Variants in DBF4 observed in about 807,000 individuals in gnomAD.
DBF4 encodes protein DBF4 homolog A.
DBF4 carries 25 observed loss-of-function variants against 76.6 expected under a neutral mutation model. The observed-to-expected ratio is 0.33, with a 90% CI of 0.24 to 0.46. DBF4 has a LOEUF of 0.46. Among genes scored for constraint, DBF4 ranks in the 20% least tolerant of loss-of-function variants. The probability of loss-of-function intolerance (pLI) is 1.00; values close to 1 mark genes in which losing one functional copy is unlikely to be tolerated. For synonymous variants in DBF4, 213 were observed against 258.0 expected (o/e 0.83, Z 1.67); for missense variants, 638 against 760.8 (o/e 0.84, Z 1.90).
At chr7:87,886,173 A>C (rs906765957) in intron 3 of DBF4, among the ~76,000 whole-genome samples, 1 of 152,150 alleles carries the variant, frequency 6.6e-6, no homozygotes, top group Non-Finnish European at 1.5e-5. Flanking sequence ...GAGACAATAC[A>C]CCAGCGATTC....
intron 3 of DBF4, among the ~76,000 whole-genome samples, chr7:87,886,535 CAAAAAA>C (rs11411808): frequency 5.5e-5 from 3 of 54,236 alleles, no homozygotes; most frequent in African/African-American, 1.3e-4. Flanking sequence ...ACTTTGTCTC[CAAAAAA>C]AAAAAAAAAA....
chr7:87,898,988 T>C (rs1161983159), intron 8 of DBF4, among the ~76,000 whole-genome samples: 1 of 152,064 alleles, frequency 6.6e-6, no homozygotes, highest in Non-Finnish European at 1.5e-5. Flanking sequence ...TGAAGATAAT[T>C]TAATGGAGAA....
At position 87,878,041 on chromosome 7, in the gene DBF4, C is replaced by T; in HGVS notation, c.47-12C>T. 6.4e-7 allele frequency: 1 copy of T among 1,566,392 alleles called. No individual in the cohort carries two copies. Among genetic ancestry groups the T allele is most frequent in the Non-Finnish European group, 8.6e-7 (1 of 1,158,064 alleles). ...TCTGTGTAAAACATCTGATTCTAAA[C>T]ATCTTTAATAGGTGGAATCCAAGTC... On this transcript the variant is annotated splice_polypyrimidine_tract_variant and intron_variant, in intron 1 of 11. Transcript: ENST00000265728.
At chr7:87,900,133 T>G in intron 8 of DBF4, 88 bp from the exon 9 acceptor site, 1 of 1,119,578 alleles carries the variant, frequency 8.9e-7, no homozygotes, top group Non-Finnish European at 1.3e-6. Flanking sequence ...AGATTCCAGC[T>G]TAATTATATG....
chr7:87,900,758 C>T lies in DBF4; in HGVS notation c.810-6C>T, dbSNP rs761029500. The T allele has an allele frequency of 1.2e-6, 2 of 1,606,812 alleles. No individual in the cohort carries two copies. Among genetic ancestry groups the T allele is most frequent in the Non-Finnish European group, 1.7e-6 (2 of 1,175,722 alleles). On this transcript the variant is annotated splice_region_variant and splice_polypyrimidine_tract_variant and intron_variant, in intron 9 of 11. Coordinates refer to ENST00000265728, the MANE Select transcript of DBF4 (RefSeq NM_006716.4). ...TTAATTCTTTACCATGTATGTCTGTCATCAGAATCCAAACAGATGGCGATA... is the reference window on the plus strand; with the variant it reads ...TTAATTCTTTACCATGTATGTCTGTTATCAGAATCCAAACAGATGGCGATA...
rs544393238 is a variant in DBF4 at position 87,892,297 on chromosome 7, A to G, written c.598-4177A>G. Reference sequence around the variant, plus strand: ...AACTCCTGATGCTTTTACATTCACCATGGTTTTGCCTTTTCCACAGTGTCA... The same window carrying G: ...AACTCCTGATGCTTTTACATTCACCGTGGTTTTGCCTTTTCCACAGTGTCA... On this transcript the variant is annotated intron_variant, in intron 6 of 11. Transcript: ENST00000265728. Among the ~76,000 whole-genome samples, 7 of 152,212 alleles carry G rather than the reference A, an allele frequency of 4.6e-5. No homozygotes were observed. In the South Asian group the frequency reaches 1.5e-3, roughly 32 times the overall value.
At chr7:87,900,548 G>T (rs1839751682) in intron 9 of DBF4, among the ~76,000 whole-genome samples, 199 bp downstream of exon 9, 1 of 151,744 alleles carries the variant, frequency 6.6e-6, no homozygotes. Flanking sequence ...ATGAAAATGT[G>T]TAGTTTATCT....
chr7:87,901,743 G>T (rs1358198040), intron 10 of DBF4, among the ~76,000 whole-genome samples: 1 of 152,204 alleles, frequency 6.6e-6, no homozygotes. Context: ...CCCTGGCTGT[G>T]TGAGCTTGGA....
rs1839970760 is a variant in DBF4 at position 87,908,766 on chromosome 7, T to C, written c.*603T>C. ...AATTTATCTGCTATTTTTAATTACT[T>C]ACCTTGTAAATAACTTTAATAATAT... On this transcript the variant is annotated 3_prime_UTR_variant, in exon 12 of 12. Transcript: ENST00000265728. The C allele has an allele frequency of 7.4e-6, 1 of 135,764 alleles. No individual in the cohort carries two copies. Among genetic ancestry groups the C allele is most frequent in the Admixed American group, 7.6e-5 (1 of 13,230 alleles). The allele number at this position is 135,764 out of a possible 1,614,324, so 8.4% of individuals were successfully genotyped here. A position where few individuals can be genotyped will look rare whatever the true frequency, so the allele number is the denominator to read the frequency against.
chr7:87,895,867 G>A (rs187066456), intron 6 of DBF4, among the ~76,000 whole-genome samples: 53 of 152,200 alleles, frequency 3.5e-4, no homozygotes, highest in African/African-American at 1.2e-3. Flanking sequence ...AATAATACAG[G>A]GATTCTCTTG....
Position 87,907,705 on chromosome 7 carries a change from C to G in DBF4, c.1567C>G (p.Leu523Val). The G allele has an allele frequency of 6.2e-7, 1 of 1,614,004 alleles. No individual in the cohort carries two copies. Among genetic ancestry groups the G allele is most frequent in the Non-Finnish European group, 8.5e-7 (1 of 1,179,946 alleles). The stretch of plus-strand genomic sequence containing the variant: ...AGCAAAGGATCTCAAGGAAAAGGAC[C>G]TTCATTCAATATTTACTCATGATTC... ...FPAKDLKEKD[L>V]HSIFTHDSGL... Residue 523 changes from leucine to valine, a missense_variant, in exon 12 of 12, where the codon CTT becomes GTT. Coordinates refer to ENST00000265728, the MANE Select transcript of DBF4 (RefSeq NM_006716.4).
At chr7:87,886,520 G>A (rs988406321) in intron 3 of DBF4, among the ~76,000 whole-genome samples, 1 of 105,488 alleles carries the variant, frequency 9.5e-6, no homozygotes, top group Non-Finnish European at 1.7e-5. Flanking sequence ...GAGCGACACA[G>A]CAAGACTTTG....
At chr7:87,879,936 G>C (rs1839169045) in intron 2 of DBF4, among the ~76,000 whole-genome samples, 1 of 147,652 alleles carries the variant, frequency 6.8e-6, no homozygotes, top group African/African-American at 2.6e-5. Flanking sequence ...ATGAGTGACA[G>C]TGAGACCCTA....
In DBF4 at chr7:87,897,283, A is replaced by G. The variant is rs763236780; in HGVS notation, c.635-11A>G. The G allele has an allele frequency of 6.2e-7, 1 of 1,606,382 alleles. No individual in the cohort carries two copies. The highest frequency in any genetic ancestry group is 8.5e-7 in the Non-Finnish European group (1 of 1,177,616). On this transcript the variant is annotated splice_polypyrimidine_tract_variant and intron_variant, in intron 7 of 11. Transcript: ENST00000265728. ...TTTGCAAGTATCTAATATGTTTTCT[A>G]TGTTCTCAAGCAGGAAGACTCAAAA...
At chr7:87,883,329 A>G (rs1437416333) in intron 2 of DBF4, among the ~76,000 whole-genome samples, 6 of 152,214 alleles carry the variant, frequency 3.9e-5, no homozygotes, top group Admixed American at 6.5e-5. Flanking sequence ...GGATCATGGA[A>G]AAGTTATAGA....
At chr7:87,877,051 C>A (rs112097226) in intron 1 of DBF4, among the ~76,000 whole-genome samples, 4 of 152,334 alleles carry the variant, frequency 2.6e-5, no homozygotes, top group African/African-American at 9.6e-5. Flanking sequence ...ATGTGCAGAT[C>A]CGGGACCTCG....
At chr7:87,905,104 C>G (rs1444103299) in intron 11 of DBF4, among the ~76,000 whole-genome samples, 1 of 152,194 alleles carries the variant, frequency 6.6e-6, no homozygotes, top group African/African-American at 2.4e-5. Context: ...GCGTGTGCCA[C>G]TACACCCCAC....
chr7:87,901,301 A>T (rs1403930893), intron 10 of DBF4, among the ~76,000 whole-genome samples: 1 of 152,234 alleles, frequency 6.6e-6, no homozygotes, highest in Admixed American at 6.5e-5. Context: ...TAGAGACCTG[A>T]GAGAAATGAA....
intron 2 of DBF4, among the ~76,000 whole-genome samples, chr7:87,880,373 G>A (rs541862579): frequency 2.0e-5 from 3 of 152,302 alleles, no homozygotes; most frequent in African/African-American, 7.2e-5. Flanking sequence ...TATTAAGGGT[G>A]TAAGTTCCCA....
Sources: gnomAD v4.1 joint callset for allele counts (sites outside exome capture counted in the v4.1 genomes callset) on GRCh38, gnomAD v4.1.1 for gene constraint, MANE v1.5 for transcripts, NCBI Gene and HGNC (gene_info 2026-07-23, HGNC 2026-07-21) for gene names.